Variants in IPPK observed in about 807,000 individuals in gnomAD.
IPPK encodes IPK1 homolog.
A neutral mutation model predicts 64.6 loss-of-function variants in IPPK; 22 were observed. The ratio of observed to expected loss-of-function variants is 0.34; its 90% CI spans 0.24 to 0.49. The LOEUF is 0.49. Among genes scored for constraint, IPPK ranks in the 20% least tolerant of loss-of-function variants. IPPK has a pLI of 0.99. For missense variants in IPPK, 532 were observed against 630.7 expected (o/e 0.84, Z 1.68); for synonymous variants, 262 against 247.2 (o/e 1.06, Z -0.56).
At chr9:92,622,317 A>G (rs770121736) in intron 11 of IPPK, among the ~76,000 whole-genome samples, 6 of 152,192 alleles carry the variant, frequency 3.9e-5, no homozygotes, top group Non-Finnish European at 7.3e-5. Context: ...GAAGTAAAAT[A>G]AAGAAGTGAA....
chr9:92,658,626 C>T lies in IPPK; in HGVS notation c.129+8G>A. ...TTGTAAGTCTGGGTGCAAACCCACC[C>T]ATCTTACCTTCTTCCTATTTGGAGG... On this transcript the variant is annotated splice_region_variant and intron_variant, in intron 2 of 12. Coordinates refer to ENST00000287996, the MANE Select transcript of IPPK (RefSeq NM_022755.6). 1 of 1,612,022 alleles carries T rather than the reference C, an allele frequency of 6.2e-7. No homozygotes were observed. Among genetic ancestry groups the T allele is most frequent in the East Asian group, 2.2e-5 (1 of 44,872 alleles).
Position 92,656,564 on chromosome 9 carries a change from A to C in IPPK, c.130-13T>G, listed in dbSNP as rs1181751656. ...TCTCTTCCGAGGTCTGTAAGAGACA[A>C]CCACAGGACAGCCTTCGTGATGGGA... On this transcript the variant is annotated splice_polypyrimidine_tract_variant and intron_variant, in intron 2 of 12. Coordinates refer to ENST00000287996, the MANE Select transcript of IPPK (RefSeq NM_022755.6). 6.4e-7 allele frequency: 1 copy of C among 1,561,188 alleles called. No individual in the cohort carries two copies. Among genetic ancestry groups the C allele is most frequent in the Non-Finnish European group, 8.8e-7 (1 of 1,131,978 alleles).
At chr9:92,621,507 C>T (rs1218198550) in intron 11 of IPPK, among the ~76,000 whole-genome samples, 2 of 87,812 alleles carry the variant, frequency 2.3e-5, no homozygotes, top group African/African-American at 5.1e-5. Flanking sequence ...AATACCATTC[C>T]TTTTTTTTTT....
At chr9:92,656,961 T>C (rs947939805) in intron 2 of IPPK, among the ~76,000 whole-genome samples, 1 of 152,176 alleles carries the variant, frequency 6.6e-6, no homozygotes, top group Non-Finnish European at 1.5e-5. Context: ...AGTCAGAGGT[T>C]CTTAAAGAGT....
intron 5 of IPPK, among the ~76,000 whole-genome samples, chr9:92,648,355 G>A (rs1014611321): frequency 2.0e-5 from 3 of 152,198 alleles, no homozygotes; most frequent in African/African-American, 4.8e-5. Flanking sequence ...ACCCACGGCC[G>A]GAACTCTCAC....
rs201916840 is a variant in IPPK, at chr9:92,615,831, G to A, written c.*1C>T. ...GTTTCAAAGACACTGCAGGGAAAGA[G>A]TTAGACCTTGTGGAGAACTAATGTG... On this transcript the variant is annotated 3_prime_UTR_variant, in exon 13 of 13. Transcript: ENST00000287996. 6.9e-4 allele frequency: 1,101 copies of A among 1,607,184 alleles called. No homozygotes were observed. Among genetic ancestry groups the A allele is most frequent in the Middle Eastern group, 2.5e-3 (15 of 5,962 alleles).
chr9:92,619,892 G>A (rs1357944713), intron 11 of IPPK: 1 of 357,778 alleles, frequency 2.8e-6, no homozygotes, highest in Non-Finnish European at 5.4e-6. Flanking sequence ...GGAAGGAAAA[G>A]CAGTAAGCCA....
Position 92,614,447 on chromosome 9 carries a change from A to C in IPPK, c.*1385T>G, listed in dbSNP as rs957814999. 2.6e-5 allele frequency: 4 copies of C among 152,444 alleles called. No individual in the cohort carries two copies. The highest frequency in any genetic ancestry group is 9.6e-5 in the African/African-American group (4 of 41,478). 9.4% of individuals were successfully genotyped at this position (152,444 alleles called of 1,614,324 possible). ...GTGTGTATGAGACGGTGTCATTGGA[A>C]GTGAGAAGAAAACAGTAAAAGTGTC... On this transcript the variant is annotated 3_prime_UTR_variant, in exon 13 of 13. Transcript: ENST00000287996.
chr9:92,656,799 G>A (rs552279056), intron 2 of IPPK, among the ~76,000 whole-genome samples: 5 of 152,276 alleles, frequency 3.3e-5, no homozygotes, highest in South Asian at 2.1e-4. Context: ...TCTGAGGACC[G>A]CACTGCTGCC....
At chr9:92,639,422 G>A (rs1246953242) in intron 8 of IPPK, among the ~76,000 whole-genome samples, 2 of 152,182 alleles carry the variant, frequency 1.3e-5, no homozygotes, top group African/African-American at 2.4e-5. Context: ...CCAGATCGGC[G>A]GGAGAGCTGA....
Position 92,648,071 on chromosome 9 carries a change from G to C in IPPK, c.492C>G (p.His164Gln). The change falls in exon 6 of 13, where the codon CAC becomes CAG. Residue 164 changes from histidine to glutamine, a missense_variant. Coordinates refer to ENST00000287996, the MANE Select transcript of IPPK (RefSeq NM_022755.6). ...MKHKVCRYCMHQHLKVATGKW... is the reference protein window; with the variant it reads ...MKHKVCRYCMQQHLKVATGKW... ...CATTGGCTCTCACCTTGAGGTGCTG[G>C]TGCATGCAGTATCGACAGACCTTAT... 6.2e-7 allele frequency: 1 copy of C among 1,612,598 alleles called. No individual in the cohort carries two copies. The highest frequency in any genetic ancestry group is 8.5e-7 in the Non-Finnish European group (1 of 1,179,070).
intron 1 of IPPK, among the ~76,000 whole-genome samples, chr9:92,668,991 G>A (rs1255169241): frequency 6.6e-6 from 1 of 152,214 alleles, no homozygotes; most frequent in Non-Finnish European, 1.5e-5. Flanking sequence ...TCCAAGGGAT[G>A]ACAATTATCA....
At chr9:92,659,041 T>G (rs1852428893) in intron 1 of IPPK, among the ~76,000 whole-genome samples, 1 of 152,196 alleles carries the variant, frequency 6.6e-6, no homozygotes, top group Admixed American at 6.5e-5. Flanking sequence ...ATAAGAAAGA[T>G]CAGTACTTAC....
chr9:92,636,561 A>G (rs1472987867), intron 9 of IPPK, among the ~76,000 whole-genome samples: 10 of 152,172 alleles, frequency 6.6e-5, no homozygotes, highest in Non-Finnish European at 1.3e-4. Context: ...AGATCACTTG[A>G]GCCCTGGAGG....
intron 3 of IPPK, among the ~76,000 whole-genome samples, chr9:92,653,253 C>T (rs1001744670): frequency 4.6e-5 from 7 of 152,304 alleles, no homozygotes; most frequent in Middle Eastern, 3.4e-3. Context: ...CCTGTCCTCT[C>T]GTGTTTCTAG....
chr9:92,643,946 G>A (rs1213040982), intron 6 of IPPK, among the ~76,000 whole-genome samples: 1 of 152,194 alleles, frequency 6.6e-6, no homozygotes, highest in Admixed American at 6.6e-5. Context: ...CCAGTTATAT[G>A]AGCAGGTAGT....
chr9:92,636,478 A>C (rs546522606), intron 9 of IPPK, among the ~76,000 whole-genome samples: 3 of 152,004 alleles, frequency 2.0e-5, no homozygotes, highest in Non-Finnish European at 4.4e-5. Flanking sequence ...CTCTACAAAA[A>C]AAAAATACAA....
intron 1 of IPPK, among the ~76,000 whole-genome samples, chr9:92,659,984 C>T (rs1302123022): frequency 6.6e-6 from 1 of 151,346 alleles, no homozygotes; most frequent in Non-Finnish European, 1.5e-5. Context: ...GCTGTCCCCT[C>T]CCAAGCTGAA....
chr9:92,625,483 CAG>C (rs1851716765), intron 11 of IPPK, among the ~76,000 whole-genome samples: 1 of 152,208 alleles, frequency 6.6e-6, no homozygotes, highest in Admixed American at 6.5e-5. Flanking sequence ...AAGTAACTAA[CAG>C]TGGTGTGAAC....
Sources: allele counts gnomAD v4.1 joint callset (sites outside exome capture counted in the v4.1 genomes callset), GRCh38; gene constraint gnomAD v4.1.1; transcripts MANE v1.5; gene names NCBI Gene and HGNC (gene_info 2026-07-23, HGNC 2026-07-21).